CCDC6: variants seen among roughly 807,000 people sequenced by gnomAD.
The protein encoded by CCDC6 is coiled-coil domain containing 6.
Under a neutral mutation model 56.6 loss-of-function variants are expected in CCDC6, and 20 were observed. The ratio of observed to expected loss-of-function variants is 0.35; its 90% CI spans 0.25 to 0.51. CCDC6 has a LOEUF of 0.51. CCDC6 is among the 20% of genes least tolerant of loss of function. The pLI is 0.95. For synonymous variants in CCDC6, 241 were observed against 234.4 expected (o/e 1.03, Z -0.26); for missense variants, 367 against 601.1 (o/e 0.61, Z 4.07).
intron 3 of CCDC6, among the ~76,000 whole-genome samples, chr10:59,825,177 G>C (rs2070777778): frequency 6.6e-6 from 1 of 152,192 alleles, no homozygotes; most frequent in Non-Finnish European, 1.5e-5. Flanking sequence ...ATCTCATCTT[G>C]AATTGTACTC....
Position 59,824,717 on chromosome 10 carries a change from T to C in CCDC6, c.582+7808A>G, listed in dbSNP as rs193162019. On this transcript the variant is annotated intron_variant, in intron 3 of 8. Transcript: ENST00000263102. Reference sequence around the variant, plus strand: ...AGGAGAAGATGAAGAAAAACATCAATAGCTGTTTTTCTAGGGGAACGGCAA... The same window carrying C: ...AGGAGAAGATGAAGAAAAACATCAACAGCTGTTTTTCTAGGGGAACGGCAA... Among the ~76,000 whole-genome samples the C allele has an allele frequency of 2.6e-5, 4 of 152,196 alleles. No homozygotes were observed. In the East Asian group the frequency reaches 5.8e-4, roughly 22 times the overall value.
chr10:59,834,666 A>C (rs1200601466), intron 2 of CCDC6, among the ~76,000 whole-genome samples: 1 of 152,174 alleles, frequency 6.6e-6, no homozygotes, highest in East Asian at 1.9e-4. Flanking sequence ...ACTGTTTTTG[A>C]TGTTCAAGGC....
chr10:59,803,607 C>T (rs972788992), intron 7 of CCDC6, among the ~76,000 whole-genome samples: 2 of 152,188 alleles, frequency 1.3e-5, no homozygotes, highest in Admixed American at 6.5e-5. Context: ...CACTGGCCAC[C>T]CACTCCACCC....
intron 1 of CCDC6, among the ~76,000 whole-genome samples, chr10:59,871,772 C>T (rs1321431807): frequency 1.3e-5 from 2 of 152,084 alleles, no homozygotes. Flanking sequence ...ACACATCCTG[C>T]CTTGTGAGGG....
At chr10:59,848,134 T>C (rs1203647249) in intron 2 of CCDC6, among the ~76,000 whole-genome samples, 1 of 152,192 alleles carries the variant, frequency 6.6e-6, no homozygotes, top group African/African-American at 2.4e-5. Context: ...ATTTCCGCCT[T>C]GTAACCTAAG....
intron 1 of CCDC6, among the ~76,000 whole-genome samples, chr10:59,886,570 G>T (rs1277060813): frequency 6.6e-6 from 1 of 152,070 alleles, no homozygotes; most frequent in African/African-American, 2.4e-5. Flanking sequence ...TTCCAAAGAA[G>T]TAAATATACA....
chr10:59,882,474 AGG>A lies in CCDC6; in HGVS notation c.303+23646_303+23647del, dbSNP rs2071348883. 2.1e-3 allele frequency among the ~76,000 whole-genome samples: 2 copies of A among 938 alleles called. 1 individual carries two copies. Among genetic ancestry groups the A allele is most frequent in the African/African-American group, 0.012 (2 of 172 alleles). 0.6% of individuals were successfully genotyped at this position (938 alleles called of 152,430 possible). A position where few individuals can be genotyped will look rare whatever the true frequency, so the allele number is the denominator to read the frequency against. ...CCGGCGGGAGAAGGAAAGGAAAGCC[AGG>A]GGGAGAAGGAAAGGAAAGCCGGGGG... On this transcript the variant is annotated intron_variant, in intron 1 of 8. Coordinates refer to ENST00000263102, the MANE Select transcript of CCDC6 (RefSeq NM_005436.5).
chr10:59,856,613 G>A (rs16914281), intron 1 of CCDC6, among the ~76,000 whole-genome samples: 5,104 of 152,172 alleles, frequency 0.034, 296 homozygotes, highest in African/African-American at 0.12. Context: ...CCAGCAAGGA[G>A]CCAGGTAGAC....
At chr10:59,828,538 T>C (rs2070808187) in intron 3 of CCDC6, among the ~76,000 whole-genome samples, 1 of 152,212 alleles carries the variant, frequency 6.6e-6, no homozygotes, top group Non-Finnish European at 1.5e-5. Flanking sequence ...TGACATTGCC[T>C]TTACTTTTGC....
At chr10:59,840,671 C>T (rs2070930415) in intron 2 of CCDC6, among the ~76,000 whole-genome samples, 1 of 152,226 alleles carries the variant, frequency 6.6e-6, no homozygotes, top group South Asian at 2.1e-4. Context: ...GACCTTCTTA[C>T]TCCAAACATA....
At chr10:59,854,143 G>A (rs540343365) in intron 1 of CCDC6, among the ~76,000 whole-genome samples, 4 of 152,174 alleles carry the variant, frequency 2.6e-5, no homozygotes, top group Non-Finnish European at 4.4e-5. Flanking sequence ...GGCAGAAGAC[G>A]AAAGGGCACC....
At position 59,837,734 on chromosome 10, in the gene CCDC6, G is replaced by A. The variant is rs981379900; in HGVS notation, c.454-5081C>T. Among the ~76,000 whole-genome samples, 4 of 114,420 alleles carry A rather than the reference G, an allele frequency of 3.5e-5. No homozygotes were observed. In the Admixed American group the frequency reaches 4.4e-4, roughly 13 times the overall value. The allele number at this position is 114,420 out of a possible 152,430, so 75.1% of individuals were successfully genotyped here. A position where few individuals can be genotyped will look rare whatever the true frequency, so the allele number is the denominator to read the frequency against. On this transcript the variant is annotated intron_variant, in intron 2 of 8. Coordinates refer to ENST00000263102, the MANE Select transcript of CCDC6 (RefSeq NM_005436.5). ...GCACTCTAGCCTGGGCAACAAGAGT[G>A]AGACTCTGTCTCAAAAAAAAAAAAA...
At chr10:59,838,857 G>A (rs896457187) in intron 2 of CCDC6, among the ~76,000 whole-genome samples, 4 of 152,184 alleles carry the variant, frequency 2.6e-5, no homozygotes, top group African/African-American at 7.2e-5. Flanking sequence ...AATTTACCAA[G>A]ACTAGGGGAT....
chr10:59,804,046 T>A (rs779703324), intron 7 of CCDC6, among the ~76,000 whole-genome samples: 44 of 152,214 alleles, frequency 2.9e-4, no homozygotes, highest in Non-Finnish European at 4.7e-4. Context: ...ATGTGGAATA[T>A]GGTAAAAGAA....
intron 1 of CCDC6, among the ~76,000 whole-genome samples, chr10:59,877,798 C>T (rs2071297445): frequency 6.6e-6 from 1 of 152,104 alleles, no homozygotes; most frequent in Admixed American, 6.5e-5. Flanking sequence ...GCAAGAAAAC[C>T]AACCAATAAT....
chr10:59,852,095 G>A (rs955765129), intron 2 of CCDC6, among the ~76,000 whole-genome samples: 2 of 152,180 alleles, frequency 1.3e-5, no homozygotes, highest in Admixed American at 1.3e-4. Flanking sequence ...ACGGTTGATT[G>A]TGGGTAGTTT....
At chr10:59,875,194 A>C (rs755279163) in intron 1 of CCDC6, among the ~76,000 whole-genome samples, 52 of 152,236 alleles carry the variant, frequency 3.4e-4, no homozygotes, top group Non-Finnish European at 6.8e-4. Flanking sequence ...GTTAGAAATG[A>C]CTAGAAGCAC....
At chr10:59,878,191 C>CTT (rs1232596541) in intron 1 of CCDC6, among the ~76,000 whole-genome samples, 1 of 152,038 alleles carries the variant, frequency 6.6e-6, no homozygotes, top group East Asian at 1.9e-4. Context: ...TTATGAAAAA[C>CTT]AAGAGTTTAG....
chr10:59,815,092 C>T (rs942311140), intron 3 of CCDC6, among the ~76,000 whole-genome samples: 3 of 152,098 alleles, frequency 2.0e-5, no homozygotes, highest in African/African-American at 7.2e-5. Context: ...TTGTCCCTTA[C>T]AGTTCTGGGC....
Sources: gnomAD v4.1 joint callset for allele counts (sites outside exome capture counted in the v4.1 genomes callset) on GRCh38, gnomAD v4.1.1 for gene constraint, MANE v1.5 for transcripts, NCBI Gene and HGNC (gene_info 2026-07-23, HGNC 2026-07-21) for gene names.